The following NREP variants were observed in gnomAD, a reference collection of about 807,000 sequenced individuals.
NREP encodes neuronal regeneration-related protein.
NREP carries 5 observed loss-of-function variants against 8.6 expected under a neutral mutation model. The observed-to-expected ratio is 0.58, with a 90% CI of 0.30 to 1.22. The LOEUF (loss-of-function observed/expected upper bound fraction) is 1.22, where lower values mean the gene tolerates loss of function less well. NREP is among the 50% of genes most tolerant of loss of function. The probability of loss-of-function intolerance (pLI) is 0.07; values close to 1 mark genes in which losing one functional copy is unlikely to be tolerated. For synonymous variants in NREP, 27 were observed against 28.0 expected, an observed-to-expected ratio of 0.96 and a Z score of 0.11; for missense variants, 86 against 82.5, an observed-to-expected ratio of 1.04 and a Z score of -0.17.
intron 2 of NREP, chr5:111,846,438 T>TTTTTTTTTTTTTTTTTTTTA (rs1753175309): frequency 7.9e-6 from 1 of 126,672 alleles, no homozygotes; most frequent in Non-Finnish European, 1.7e-5. Flanking sequence ...TTTTTTTTTT[T>TTTTTTTTTTTTTTTTTTTTA]TTTTTTTGTC....
chr5:111,881,430 C>A (rs539132667), intron 2 of NREP, among the ~76,000 whole-genome samples: 3 of 152,186 alleles, frequency 2.0e-5, no homozygotes, highest in East Asian at 1.9e-4. Context: ...ACAGCAGTAA[C>A]CTCTGCAGAC....
intron 2 of NREP, among the ~76,000 whole-genome samples, chr5:111,785,583 T>C (rs1450869804): frequency 6.6e-6 from 1 of 152,186 alleles, no homozygotes; most frequent in Admixed American, 6.5e-5. Context: ...TGGCCCAAAA[T>C]GACTATTCTT....
chr5:111,760,533 T>C (rs1273319595), upstream of NREP, among the ~76,000 whole-genome samples: 1 of 152,120 alleles, frequency 6.6e-6, no homozygotes, highest in African/African-American at 2.4e-5. Flanking sequence ...ATAAGGATGA[T>C]TGTAGAGTTC....
chr5:111,834,853 G>A (rs1258011678), intron 2 of NREP, among the ~76,000 whole-genome samples: 1 of 152,106 alleles, frequency 6.6e-6, no homozygotes, highest in Non-Finnish European at 1.5e-5. Context: ...AGCCAAGTGG[G>A]GAATTATGAA....
At chr5:111,931,672 G>T (rs375677310) in intron 2 of NREP, among the ~76,000 whole-genome samples, 1 of 152,074 alleles carries the variant, frequency 6.6e-6, no homozygotes, top group Non-Finnish European at 1.5e-5. Flanking sequence ...TGCAGCAGTA[G>T]ATAACTAAAA....
Position 111,954,163 on chromosome 5 carries a change from T to C in NREP, c.135+21111A>G, listed in dbSNP as rs142796984. 3.9e-3 allele frequency among the ~76,000 whole-genome samples: 589 copies of C among 152,290 alleles called. 4 individuals carry two copies. Among genetic ancestry groups the C allele is most frequent in the Non-Finnish European group, 5.6e-3 (382 of 68,010 alleles). On this transcript the variant is annotated intron_variant, in intron 2 of 3. Coordinates refer to the NREP transcript ENST00000395634. ...GGCCAAGATGGAAAAATATAGGCTCTGCAGTGGCATATTGGATGTCATGTG... is the reference window on the plus strand; with the variant it reads ...GGCCAAGATGGAAAAATATAGGCTCCGCAGTGGCATATTGGATGTCATGTG...
At chr5:111,901,349 T>C (rs1754641965) in intron 2 of NREP, among the ~76,000 whole-genome samples, 2 of 152,118 alleles carry the variant, frequency 1.3e-5, no homozygotes, top group Admixed American at 6.6e-5. Context: ...AGCTGATATA[T>C]GACAAACTCA....
chr5:111,819,449 C>T (rs1346035699), intron 2 of NREP, among the ~76,000 whole-genome samples: 2 of 152,198 alleles, frequency 1.3e-5, no homozygotes, highest in Non-Finnish European at 2.9e-5. Flanking sequence ...ACTCCATCTG[C>T]AAGTCGTACC....
chr5:111,781,818 G>A (rs1297622799), intron 2 of NREP, among the ~76,000 whole-genome samples: 2 of 152,044 alleles, frequency 1.3e-5, no homozygotes, highest in African/African-American at 2.4e-5. Context: ...AGGCTATCGG[G>A]GCCAAGGGGA....
chr5:111,798,399 G>T (rs1054466759), intron 2 of NREP, among the ~76,000 whole-genome samples: 18 of 151,858 alleles, frequency 1.2e-4, no homozygotes, highest in Non-Finnish European at 4.4e-5. Flanking sequence ...AGGTGTTTGG[G>T]GAACAGGTGG....
Position 111,869,461 on chromosome 5 carries a change from A to T in NREP, c.135+105813T>A, listed in dbSNP as rs184991979. Among the ~76,000 whole-genome samples the T allele has an allele frequency of 2.0e-5, 3 of 152,298 alleles. No homozygotes were observed. In the East Asian group the frequency reaches 5.8e-4, roughly 29 times the overall value. On this transcript the variant is annotated intron_variant, in intron 2 of 3. Transcript: ENST00000395634. ...AACCCAATCGTACAGCTGCTTTTGA[A>T]TTAATAGTAGTTAATGAAGTTTTAA... is the stretch of plus-strand genomic sequence containing the variant.
At chr5:111,794,392 T>C (rs546948795) in intron 2 of NREP, among the ~76,000 whole-genome samples, 2 of 152,240 alleles carry the variant, frequency 1.3e-5, no homozygotes, top group South Asian at 4.1e-4. Context: ...AACAGCACTT[T>C]ACTCATAATT....
At chr5:111,852,036 G>C (rs1753322681) in intron 2 of NREP, among the ~76,000 whole-genome samples, 1 of 152,120 alleles carries the variant, frequency 6.6e-6, no homozygotes, top group African/African-American at 2.4e-5. Flanking sequence ...GTGCCTTTGG[G>C]GAAGTGATTA....
At chr5:111,884,598 C>G (rs1328436869) in intron 2 of NREP, among the ~76,000 whole-genome samples, 1 of 147,392 alleles carries the variant, frequency 6.8e-6, no homozygotes, top group African/African-American at 2.4e-5. Flanking sequence ...AAACCGAATC[C>G]AGCAGCACAT....
At chr5:111,883,972 T>G (rs936991790) in intron 2 of NREP, among the ~76,000 whole-genome samples, 21 of 151,626 alleles carry the variant, frequency 1.4e-4, no homozygotes, top group African/African-American at 4.9e-4. Flanking sequence ...ATAACTAATA[T>G]CAGAGCAGAA....
At chr5:111,959,344 A>G (rs1366294505) in intron 2 of NREP, among the ~76,000 whole-genome samples, 1 of 151,972 alleles carries the variant, frequency 6.6e-6, no homozygotes, top group Non-Finnish European at 1.5e-5. Flanking sequence ...AGAGAGGAGT[A>G]TAAGGCAGCC....
chr5:111,741,252 A>G (rs1158513237), intron 2 of NREP, among the ~76,000 whole-genome samples: 3 of 152,296 alleles, frequency 2.0e-5, no homozygotes, highest in Middle Eastern at 3.4e-3. Context: ...GGTATATTTC[A>G]TAATCTTTCT....
chr5:111,959,696 A>G (rs1411209118), intron 2 of NREP, among the ~76,000 whole-genome samples: 2 of 152,092 alleles, frequency 1.3e-5, no homozygotes, highest in East Asian at 1.9e-4. Flanking sequence ...GTATTTGTAT[A>G]TAAAGACATT....
At chr5:111,770,178 T>A (rs985540597) in intron 2 of NREP, among the ~76,000 whole-genome samples, 1 of 152,222 alleles carries the variant, frequency 6.6e-6, no homozygotes, top group African/African-American at 2.4e-5. Context: ...TATTTTTCAA[T>A]TTTTATAACC....
Sources: allele counts gnomAD v4.1 joint callset (sites outside exome capture counted in the v4.1 genomes callset), GRCh38; gene constraint gnomAD v4.1.1; transcripts MANE v1.5; gene names NCBI Gene and HGNC (gene_info 2026-07-23, HGNC 2026-07-21).